DPP10: variants seen among roughly 807,000 people sequenced by gnomAD.
DPP10 encodes dipeptidyl peptidase like 10.
In DPP10, 33 loss-of-function variants were observed where a neutral mutation model predicts 120.9. The ratio of observed to expected loss-of-function variants is 0.27; its 90% confidence interval spans 0.21 to 0.37. The LOEUF is 0.37. DPP10 is among the 10% of genes least tolerant of loss of function. The probability of loss-of-function intolerance (pLI) is 1.00; values close to 1 mark genes in which losing one functional copy is unlikely to be tolerated. For synonymous variants in DPP10, 337 were observed against 326.1 expected (o/e 1.03, Z -0.36); for missense variants, 816 against 942.8 (o/e 0.87, Z 1.76).
At chr2:114,990,747 C>T (rs1700710246) in intron 1 of DPP10, among the ~76,000 whole-genome samples, 1 of 152,124 alleles carries the variant, frequency 6.6e-6, no homozygotes, top group Admixed American at 6.6e-5. Flanking sequence ...TTGAAGTTAA[C>T]ATCTTGTTTT....
Position 114,980,990 on chromosome 2 carries a change from C to CTT in DPP10, c.61-328249_61-328248insTT, listed in dbSNP as rs1558950160. On this transcript the variant is annotated intron_variant, in intron 1 of 25. Coordinates refer to ENST00000410059, the MANE Select transcript of DPP10 (RefSeq NM_020868.6). Reference sequence around the variant, plus strand: ...GCAGTTTTATCGAAATATGTTGTGTCATTTTTTTTTTTTTGTCCAAAACAA... The same window carrying CTT: ...GCAGTTTTATCGAAATATGTTGTGTCTTATTTTTTTTTTTTTGTCCAAAACAA... 2.9e-4 allele frequency among the ~76,000 whole-genome samples: 40 copies of CTT among 135,850 alleles called. No homozygotes were observed. The South Asian group carries it at 5.7e-3, about 19-fold the overall frequency. The allele number at this position is 135,850 out of a possible 152,430, so 89.1% of individuals were successfully genotyped here.
At chr2:115,785,206 A>G (rs374647349) in intron 17 of DPP10, among the ~76,000 whole-genome samples, 34 of 152,278 alleles carry the variant, frequency 2.2e-4, no homozygotes, top group African/African-American at 7.9e-4. Flanking sequence ...CCGTGTTCCT[A>G]TGGAGTCACC....
At chr2:115,610,211 G>A (rs1204348404) in intron 5 of DPP10, among the ~76,000 whole-genome samples, 5 of 152,010 alleles carry the variant, frequency 3.3e-5, no homozygotes, top group African/African-American at 1.2e-4. Context: ...TTGGCATGAG[G>A]CCTCAGTTCC....
At chr2:114,725,059 A>G (rs1362213073) in intron 1 of DPP10, among the ~76,000 whole-genome samples, 1 of 152,168 alleles carries the variant, frequency 6.6e-6, no homozygotes, top group Non-Finnish European at 1.5e-5. Context: ...AATTCCTGTC[A>G]AACAACTTCG....
chr2:114,535,396 A>C (rs1686398008), intron 1 of DPP10, among the ~76,000 whole-genome samples: 1 of 152,212 alleles, frequency 6.6e-6, no homozygotes, highest in Non-Finnish European at 1.5e-5. Flanking sequence ...AAATTGGGAA[A>C]ATAAGGCCAT....
At chr2:115,709,674 C>T (rs2092253626) in intron 7 of DPP10, among the ~76,000 whole-genome samples, 2 of 151,466 alleles carry the variant, frequency 1.3e-5, no homozygotes, top group African/African-American at 4.9e-5. Flanking sequence ...TGAGAGAGAA[C>T]AGAGTCTGTG....
chr2:114,724,616 T>C (rs778045543), intron 1 of DPP10, among the ~76,000 whole-genome samples: 5 of 152,162 alleles, frequency 3.3e-5, no homozygotes, highest in Non-Finnish European at 7.4e-5. Flanking sequence ...CATGTTCACT[T>C]TGAGGTAGAG....
At chr2:114,848,442 A>G (rs1315874873) in intron 1 of DPP10, among the ~76,000 whole-genome samples, 1 of 152,156 alleles carries the variant, frequency 6.6e-6, no homozygotes, top group Non-Finnish European at 1.5e-5. Context: ...ACCAAAAATG[A>G]CTTCTAACAA....
intron 1 of DPP10, among the ~76,000 whole-genome samples, chr2:115,189,864 A>G (rs2054742680): frequency 6.6e-6 from 1 of 152,040 alleles, no homozygotes; most frequent in Admixed American, 6.6e-5. Flanking sequence ...CTTTCCATTT[A>G]CTGTACCATT....
chr2:115,813,262 A>T (rs890264106), intron 19 of DPP10, among the ~76,000 whole-genome samples: 3 of 152,162 alleles, frequency 2.0e-5, no homozygotes, highest in African/African-American at 7.2e-5. Context: ...AACAATGGAA[A>T]TTAATTTTCT....
chr2:115,366,058 T>C (rs1418326816), intron 3 of DPP10, among the ~76,000 whole-genome samples: 1 of 152,030 alleles, frequency 6.6e-6, no homozygotes, highest in Non-Finnish European at 1.5e-5. Context: ...ACACCATCAG[T>C]GGTTGGCAGT....
intron 1 of DPP10, among the ~76,000 whole-genome samples, chr2:114,445,731 G>A (rs1397058428): frequency 6.6e-6 from 1 of 152,100 alleles, no homozygotes; most frequent in Non-Finnish European, 1.5e-5. Flanking sequence ...ATGATCAAGA[G>A]TATTCAGGTT....
chr2:114,750,240 AT>A (rs1410384665), intron 1 of DPP10, among the ~76,000 whole-genome samples: 1 of 151,978 alleles, frequency 6.6e-6, no homozygotes, highest in Non-Finnish European at 1.5e-5. Flanking sequence ...TGGCACCAGA[AT>A]TTTGGAAGTT....
chr2:115,628,651 G>T (rs1244207891), intron 5 of DPP10, among the ~76,000 whole-genome samples: 2 of 152,010 alleles, frequency 1.3e-5, no homozygotes, highest in Non-Finnish European at 2.9e-5. Flanking sequence ...ACAGTTTTGG[G>T]CTATACCTTT....
At chr2:114,506,205 C>G (rs539640938) in intron 1 of DPP10, among the ~76,000 whole-genome samples, 10 of 152,260 alleles carry the variant, frequency 6.6e-5, no homozygotes, top group African/African-American at 2.4e-4. Flanking sequence ...ATAAAAACCC[C>G]AGAACTCAGC....
At chr2:115,061,698 G>GT (rs1412381045) in intron 1 of DPP10, among the ~76,000 whole-genome samples, 1 of 152,130 alleles carries the variant, frequency 6.6e-6, no homozygotes, top group Non-Finnish European at 1.5e-5. Flanking sequence ...AGTGCTTTAT[G>GT]TAAATTGATT....
intron 5 of DPP10, among the ~76,000 whole-genome samples, chr2:115,663,081 T>C (rs1031461773): frequency 6.6e-6 from 1 of 152,276 alleles, no homozygotes; most frequent in Admixed American, 6.5e-5. Flanking sequence ...AAGCATGCGG[T>C]GTGAAATAAG....
At chr2:115,224,906 A>G (rs2105443797) in intron 1 of DPP10, among the ~76,000 whole-genome samples, 1 of 152,294 alleles carries the variant, frequency 6.6e-6, no homozygotes, top group South Asian at 2.1e-4. Flanking sequence ...GACAGGTATG[A>G]GTATCATTTG....
chr2:114,709,442 T>C (rs1294386647), intron 1 of DPP10, among the ~76,000 whole-genome samples: 1 of 152,192 alleles, frequency 6.6e-6, no homozygotes, highest in Non-Finnish European at 1.5e-5. Flanking sequence ...TTAAATTTCC[T>C]TTATTTCAAT....
Sources: allele counts gnomAD v4.1 joint callset (sites outside exome capture counted in the v4.1 genomes callset), GRCh38; gene constraint gnomAD v4.1.1; transcripts MANE v1.5; gene names NCBI Gene and HGNC (gene_info 2026-07-23, HGNC 2026-07-21).